The following EVI5 variants were observed in gnomAD, a reference collection of about 807,000 sequenced individuals.
EVI5 encodes the protein ecotropic viral integration site 5.
A neutral mutation model predicts 112.0 loss-of-function variants in EVI5; 73 were observed. The ratio of observed to expected loss-of-function variants is 0.65; its 90% confidence interval spans 0.54 to 0.79. The LOEUF is 0.79. Ranked by LOEUF, EVI5 falls within the 30% of genes least tolerant of loss-of-function variation. EVI5 has a pLI of 0.00. For missense variants in EVI5, 900 were observed against 968.8 expected (o/e 0.93, Z 0.94); for synonymous variants, 305 against 319.9 (o/e 0.95, Z 0.50).
rs1189137437 is a variant in EVI5, at chr1:92,511,563, G to C, written c.*2093C>G. 1 of 152,196 alleles carries C rather than the reference G, an allele frequency of 6.6e-6. No homozygotes were observed. Among genetic ancestry groups the C allele is most frequent in the Non-Finnish European group, 1.5e-5 (1 of 68,066 alleles). 9.4% of individuals were successfully genotyped at this position (152,196 alleles called of 1,614,324 possible). On this transcript the variant is annotated 3_prime_UTR_variant, in exon 20 of 20. Coordinates refer to ENST00000684568, the MANE Select transcript of EVI5 (RefSeq NM_001350197.2). Reference sequence around the variant, plus strand: ...AAAATCTTGGCTCTTGCTGGGAGCAGTAGCTCGCACCTGTAATCCCCACAC... The same window carrying C: ...AAAATCTTGGCTCTTGCTGGGAGCACTAGCTCGCACCTGTAATCCCCACAC...
chr1:92,634,425 CATTT>C (rs1040123887), intron 14 of EVI5, among the ~76,000 whole-genome samples: 32 of 152,078 alleles, frequency 2.1e-4, no homozygotes, highest in African/African-American at 7.7e-4. Flanking sequence ...TCATTTCATT[CATTT>C]GATATTCCAT....
At position 92,564,732 on chromosome 1, in the gene EVI5, T is replaced by A. The variant is rs145099173; in HGVS notation, c.2071-995A>T. On this transcript the variant is annotated intron_variant, in intron 18 of 19. Coordinates refer to ENST00000684568, the MANE Select transcript of EVI5 (RefSeq NM_001350197.2). ...ACTCTCGCTGTCACCCAGGCTGGAG[T>A]GCAATGGCGCGATTTCGGCTCATTG... Among the ~76,000 whole-genome samples, 22 of 149,854 alleles carry A rather than the reference T, an allele frequency of 1.5e-4. No individual in the cohort carries two copies. The East Asian group carries it at 4.3e-3, about 29-fold the overall frequency.
chr1:92,707,535 T>C (rs1672210887), intron 2 of EVI5, among the ~76,000 whole-genome samples: 1 of 152,126 alleles, frequency 6.6e-6, no homozygotes, highest in African/African-American at 2.4e-5. Context: ...GATAATCAAA[T>C]GGTCAATAAG....
intron 1 of EVI5, among the ~76,000 whole-genome samples, chr1:92,769,407 C>T (rs1321823576): frequency 6.6e-6 from 1 of 152,100 alleles, no homozygotes; most frequent in Non-Finnish European, 1.5e-5. Context: ...ATTTATTTTA[C>T]TTAAAGTACT....
intron 18 of EVI5, among the ~76,000 whole-genome samples, chr1:92,594,436 C>T (rs1450083619): frequency 6.7e-6 from 1 of 150,362 alleles, no homozygotes; most frequent in African/African-American, 2.5e-5. Context: ...TAAAGACTTA[C>T]ATGTTAGACC....
intron 19 of EVI5, among the ~76,000 whole-genome samples, chr1:92,539,543 A>C (rs796813222): frequency 0.02 from 681 of 34,396 alleles, 4 homozygotes; most frequent in African/African-American, 0.13. Flanking sequence ...ACTCCATCTC[A>C]AAAAAAAAAA....
chr1:92,733,921 G>A lies in EVI5; in HGVS notation c.149+2477C>T, dbSNP rs553947903. On this transcript the variant is annotated intron_variant, in intron 2 of 19. Coordinates refer to ENST00000684568, the MANE Select transcript of EVI5 (RefSeq NM_001350197.2). ...TCTTCACTCCAGGATCAAAAGTGAA[G>A]CAAAGTCCCTTTTGGGACACTGTCA... Among the ~76,000 whole-genome samples, 221 of 152,268 alleles carry A rather than the reference G, an allele frequency of 1.5e-3. 1 individual carries two copies. Among genetic ancestry groups the A allele is most frequent in the Middle Eastern group, 3.4e-3 (1 of 294 alleles).
At chr1:92,786,090 CA>C (rs10651128), upstream of EVI5, among the ~76,000 whole-genome samples, 7 of 144,510 alleles carry the variant, frequency 4.8e-5, no homozygotes, top group Admixed American at 1.4e-4. Flanking sequence ...TACTCTGTCT[CA>C]AAAAAAAAAA....
intron 1 of EVI5, among the ~76,000 whole-genome samples, chr1:92,751,784 G>A (rs905131687): frequency 6.6e-6 from 1 of 152,026 alleles, no homozygotes; most frequent in East Asian, 1.9e-4. Context: ...AAGCCAAGGT[G>A]GGTGGATCAT....
At chr1:92,642,072 C>T (rs1367842130) in intron 13 of EVI5, among the ~76,000 whole-genome samples, 2 of 151,792 alleles carry the variant, frequency 1.3e-5, no homozygotes, top group Non-Finnish European at 2.9e-5. Flanking sequence ...TGGAGGTTGC[C>T]GTGAGCCAAG....
At chr1:92,595,518 A>T (rs1647527283) in intron 18 of EVI5, among the ~76,000 whole-genome samples, 1 of 152,238 alleles carries the variant, frequency 6.6e-6, no homozygotes, top group Non-Finnish European at 1.5e-5. Flanking sequence ...ATACATATGC[A>T]ACAAACCTGC....
intron 1 of EVI5, among the ~76,000 whole-genome samples, chr1:92,777,676 A>G (rs1452170550): frequency 6.6e-6 from 1 of 152,204 alleles, no homozygotes; most frequent in Admixed American, 6.5e-5. Flanking sequence ...GTTTCTGTAT[A>G]ATGGAAAGCA....
At chr1:92,790,525 G>GTT (rs80086643) in intron 1 of EVI5, among the ~76,000 whole-genome samples, 1 of 143,882 alleles carries the variant, frequency 7.0e-6, no homozygotes. Flanking sequence ...TTTTTTTTTG[G>GTT]TTTTTTTTTT....
At chr1:92,581,171 G>A (rs1671873470) in intron 18 of EVI5, among the ~76,000 whole-genome samples, 1 of 152,118 alleles carries the variant, frequency 6.6e-6, no homozygotes. Context: ...TATTTCCTTT[G>A]CCTTCCAAGC....
chr1:92,761,105 C>CCT (rs1455420797), intron 1 of EVI5, among the ~76,000 whole-genome samples: 1 of 150,416 alleles, frequency 6.6e-6, no homozygotes, highest in Admixed American at 6.6e-5. Flanking sequence ...TTTCTACAGA[C>CCT]CTCTAAGCTC....
At chr1:92,725,540 C>T (rs922130596) in intron 2 of EVI5, among the ~76,000 whole-genome samples, 2 of 152,028 alleles carry the variant, frequency 1.3e-5, no homozygotes, top group African/African-American at 2.4e-5. Flanking sequence ...CTGAATAACA[C>T]GGTGAAACCC....
chr1:92,733,927 T>G (rs1676904938), intron 2 of EVI5, among the ~76,000 whole-genome samples: 1 of 152,096 alleles, frequency 6.6e-6, no homozygotes, highest in Admixed American at 6.6e-5. Flanking sequence ...TGAAGCAAAG[T>G]CCCTTTTGGG....
intron 10 of EVI5, among the ~76,000 whole-genome samples, chr1:92,666,965 T>TA (rs957567747): frequency 5.9e-5 from 9 of 152,146 alleles, no homozygotes; most frequent in Admixed American, 5.2e-4. Context: ...ACAGGAGATC[T>TA]AAAAAATGCA....
At chr1:92,536,507 T>C (rs1003209) in intron 19 of EVI5, among the ~76,000 whole-genome samples, 4,699 of 152,296 alleles carry the variant, frequency 0.031, 214 homozygotes, top group African/African-American at 0.095. Context: ...CAAGTTATCA[T>C]TGAAATTCTA....
Sources: allele counts gnomAD v4.1 joint callset (sites outside exome capture counted in the v4.1 genomes callset), GRCh38; gene constraint gnomAD v4.1.1; transcripts MANE v1.5; gene names NCBI Gene and HGNC (gene_info 2026-07-23, HGNC 2026-07-21).